Variants in PRDM11 observed in about 807,000 individuals in gnomAD.
PRDM11 encodes the protein PR domain-containing protein 11.
Under a neutral mutation model 97.8 loss-of-function variants are expected in PRDM11, and 20 were observed. The observed-to-expected ratio is 0.20, with a 90% CI of 0.14 to 0.30. The LOEUF (loss-of-function observed/expected upper bound fraction) is 0.30, where lower values mean the gene tolerates loss of function less well. Ranked by LOEUF, PRDM11 falls within the 10% of genes least tolerant of loss-of-function variation. The probability of loss-of-function intolerance (pLI) is 1.00; values close to 1 mark genes in which losing one functional copy is unlikely to be tolerated. For missense variants in PRDM11, 1,139 were observed against 1,555.2 expected, an observed-to-expected ratio of 0.73 and a Z score of 4.50; for synonymous variants, 599 against 637.7, an observed-to-expected ratio of 0.94 and a Z score of 0.91.
chr11:45,147,326 G>C (rs949358879), intron 1 of PRDM11: 4 of 150,868 alleles, frequency 2.7e-5, no homozygotes, highest in South Asian at 2.1e-4. Context: ...CAGAGGGCTC[G>C]CCGCGGCCGC....
chr11:45,127,848 C>A (rs1031405971), intron 1 of PRDM11, among the ~76,000 whole-genome samples: 12 of 152,214 alleles, frequency 7.9e-5, no homozygotes, highest in African/African-American at 2.9e-4. Context: ...TCTCCAGCTG[C>A]GTGCTGGGAG....
At chr11:45,127,334 C>T (rs1852597901) in intron 1 of PRDM11, among the ~76,000 whole-genome samples, 1 of 151,976 alleles carries the variant, frequency 6.6e-6, no homozygotes, top group South Asian at 2.1e-4. Flanking sequence ...CTTCTCCCAA[C>T]TTGTCAAAGT....
chr11:45,189,633 G>C (rs1852837497), intron 4 of PRDM11, among the ~76,000 whole-genome samples: 1 of 152,250 alleles, frequency 6.6e-6, no homozygotes, highest in Non-Finnish European at 1.5e-5. Flanking sequence ...CCGTTCTGGG[G>C]AGAAGCAGAT....
At chr11:45,176,210 C>T (rs1310335523) in intron 1 of PRDM11, among the ~76,000 whole-genome samples, 1 of 151,934 alleles carries the variant, frequency 6.6e-6, no homozygotes, top group African/African-American at 2.4e-5. Context: ...CCTGTCTCTA[C>T]TAAAAAAATA....
chr11:45,109,653 G>A (rs1302126434), intron 1 of PRDM11, among the ~76,000 whole-genome samples: 1 of 152,188 alleles, frequency 6.6e-6, no homozygotes, highest in Non-Finnish European at 1.5e-5. Context: ...GGCAGATTTA[G>A]GATGGTGGGA....
chr11:45,180,993 G>C (rs879571229), intron 1 of PRDM11, among the ~76,000 whole-genome samples: 17 of 152,170 alleles, frequency 1.1e-4, no homozygotes, highest in Admixed American at 1.1e-3. Flanking sequence ...CAGGGGTGTG[G>C]CCAGCGGGGC....
At chr11:45,119,812 A>G (rs962307570) in intron 1 of PRDM11, among the ~76,000 whole-genome samples, 11 of 152,082 alleles carry the variant, frequency 7.2e-5, no homozygotes, top group African/African-American at 2.7e-4. Context: ...TATAGCCTCT[A>G]TGGTCCTTCT....
At chr11:45,147,357 C>A (rs1273087173) in intron 1 of PRDM11, 1 of 152,012 alleles carries the variant, frequency 6.6e-6, no homozygotes, top group Non-Finnish European at 1.5e-5. Flanking sequence ...CTCGCGGACG[C>A]CCTCGGCCCC....
intron 1 of PRDM11, among the ~76,000 whole-genome samples, chr11:45,135,785 T>C (rs192583987): frequency 4.5e-4 from 68 of 152,262 alleles, no homozygotes; most frequent in Admixed American, 2.4e-3. Flanking sequence ...AAAATCCCAA[T>C]GGCTTCCTCT....
chr11:45,176,973 C>T (rs1852341400), intron 1 of PRDM11, among the ~76,000 whole-genome samples: 1 of 152,228 alleles, frequency 6.6e-6, no homozygotes, highest in Non-Finnish European at 1.5e-5. Flanking sequence ...TTGGGATTCC[C>T]AGCCCAAGTC....
chr11:45,183,231 C>T lies in PRDM11; in HGVS notation c.486+108C>T, dbSNP rs1233725691. The T allele has an allele frequency of 2.0e-5, 27 of 1,362,534 alleles. 1 individual carries two copies. The highest frequency in any genetic ancestry group is 1.2e-4 in the South Asian group (8 of 66,522). The allele number at this position is 1,362,534 out of a possible 1,614,324, so 84.4% of individuals were successfully genotyped here. A position where few individuals can be genotyped will look rare whatever the true frequency, so the allele number is the denominator to read the frequency against. ...CTTGGCCCCAGAACTTTTCTACCATCGCTTCTGGACCTGTCGATGATGGAT... is the reference window on the plus strand; with the variant it reads ...CTTGGCCCCAGAACTTTTCTACCATTGCTTCTGGACCTGTCGATGATGGAT... On this transcript the variant is annotated intron_variant, in intron 4 of 7. Coordinates refer to ENST00000683152, the MANE Select transcript of PRDM11 (RefSeq NM_001384648.1).
chr11:45,175,011 C>T (rs1225841649), intron 1 of PRDM11, among the ~76,000 whole-genome samples: 2 of 152,176 alleles, frequency 1.3e-5, no homozygotes, highest in Non-Finnish European at 2.9e-5. Context: ...TTTAGGTTCA[C>T]AGCAAAACTG....
intron 4 of PRDM11, among the ~76,000 whole-genome samples, chr11:45,201,257 A>G (rs928578854): frequency 1.3e-5 from 2 of 152,136 alleles, no homozygotes; most frequent in African/African-American, 4.8e-5. Context: ...AAAATATATC[A>G]TTTATTGAAT....
At chr11:45,167,855 G>A (rs536528368) in intron 1 of PRDM11, among the ~76,000 whole-genome samples, 4 of 151,974 alleles carry the variant, frequency 2.6e-5, no homozygotes, top group Non-Finnish European at 5.9e-5. Flanking sequence ...TGAGTTCCCT[G>A]TTGCTGGAGG....
chr11:45,190,400 G>A lies in PRDM11; in HGVS notation c.486+7277G>A, dbSNP rs139621361. 7.0e-3 allele frequency among the ~76,000 whole-genome samples: 1,057 copies of A among 151,716 alleles called. 12 individuals are homozygous for A. The highest frequency in any genetic ancestry group is 0.024 in the African/African-American group (1,010 of 41,390). On this transcript the variant is annotated intron_variant, in intron 4 of 7. Transcript: ENST00000683152. The stretch of plus-strand genomic sequence containing the variant: ...TGAGCTCAGGCAATCTGCCCGCCTC[G>A]GCTTCCCAAAGTGCTGGGATTACAG...
chr11:45,171,311 G>A (rs1852197127), intron 1 of PRDM11, among the ~76,000 whole-genome samples: 1 of 152,118 alleles, frequency 6.6e-6, no homozygotes, highest in African/African-American at 2.4e-5. Flanking sequence ...TGTTAGCCAG[G>A]CTGGTCTTGA....
At position 45,194,844 on chromosome 11, in the gene PRDM11, C is replaced by T. The variant is rs541922802; in HGVS notation, c.487-9867C>T. Among the ~76,000 whole-genome samples, 22 of 151,804 alleles carry T rather than the reference C, an allele frequency of 1.4e-4. No homozygotes were observed. In the South Asian group the frequency reaches 2.1e-3, roughly 14 times the overall value. ...CGATCTCCTGACCTCGTGATCCGCC[C>T]GCCTCGGCCTCCCAAAGTGCTGGGA... On this transcript the variant is annotated intron_variant, in intron 4 of 7. Coordinates refer to ENST00000683152, the MANE Select transcript of PRDM11 (RefSeq NM_001384648.1).
At position 45,225,498 on chromosome 11, in the gene PRDM11, G is replaced by C. The variant is rs377412616; in HGVS notation, c.1370-497G>C. Among the ~76,000 whole-genome samples the C allele has an allele frequency of 9.2e-5, 14 of 152,336 alleles. No individual in the cohort carries two copies. The South Asian group carries it at 1.7e-3, about 18-fold the overall frequency. On this transcript the variant is annotated intron_variant, in intron 7 of 7. Transcript: ENST00000683152. ...TTAACCACATCCCTTAGCTCAGAATGAGGTGTTTCTTGTATTCAAAGCATG... is the reference window on the plus strand; with the variant it reads ...TTAACCACATCCCTTAGCTCAGAATCAGGTGTTTCTTGTATTCAAAGCATG...
intron 1 of PRDM11, among the ~76,000 whole-genome samples, chr11:45,110,890 C>CA (rs1268719147): frequency 1.3e-5 from 2 of 152,206 alleles, no homozygotes; most frequent in Non-Finnish European, 2.9e-5. Flanking sequence ...TTGGAGAAGA[C>CA]AATCAGCTCT....
Sources: allele counts gnomAD v4.1 joint callset (sites outside exome capture counted in the v4.1 genomes callset), GRCh38; gene constraint gnomAD v4.1.1; transcripts MANE v1.5; gene names NCBI Gene and HGNC (gene_info 2026-07-23, HGNC 2026-07-21).